The following MTUS2 variants were observed in gnomAD, a reference collection of about 807,000 sequenced individuals.
MTUS2 encodes microtubule-associated tumor suppressor candidate 2.
Under a neutral mutation model 114.1 loss-of-function variants are expected in MTUS2, and 40 were observed. The ratio of observed to expected loss-of-function variants is 0.35; its 90% CI spans 0.27 to 0.46. The LOEUF (loss-of-function observed/expected upper bound fraction) is 0.46, where lower values mean the gene tolerates loss of function less well. Among genes scored for constraint, MTUS2 ranks in the 20% least tolerant of loss-of-function variants. The pLI is 1.00. For missense variants in MTUS2, 1,679 were observed against 1,705.4 expected, an observed-to-expected ratio of 0.98 and a Z score of 0.27; for synonymous variants, 688 against 672.0, an observed-to-expected ratio of 1.02 and a Z score of -0.37.
chr13:29,245,816 C>A (rs1481368649), intron 5 of MTUS2, among the ~76,000 whole-genome samples: 1 of 151,596 alleles, frequency 6.6e-6, no homozygotes, highest in Admixed American at 6.6e-5. Context: ...CCTGTCTCAG[C>A]CTCCTAAGTA....
In MTUS2 at chr13:29,025,435, C is replaced by A; in HGVS notation, c.737C>A (p.Pro246Gln). The stretch of plus-strand genomic sequence containing the variant: ...GGAAAGAGTGTGCGTCATCCTAAAC[C>A]ATCTACCTCAGAAAGCAAGCAGAGC... ...SEGKSVRHPKPSTSESKQSTP... is the reference protein window; with the variant it reads ...SEGKSVRHPKQSTSESKQSTP... Residue 246 changes from proline (P) to glutamine (Q), a missense_variant, in exon 3 of 16, where the codon CCA becomes CAA. Coordinates refer to ENST00000612955, the MANE Select transcript of MTUS2 (RefSeq NM_001033602.4). 1.2e-6 allele frequency: 2 copies of A among 1,612,080 alleles called. No individual in the cohort carries two copies. Among genetic ancestry groups the A allele is most frequent in the Non-Finnish European group, 1.7e-6 (2 of 1,179,220 alleles).
At chr13:29,375,769 T>G (rs1303976365) in intron 8 of MTUS2, among the ~76,000 whole-genome samples, 1 of 150,650 alleles carries the variant, frequency 6.6e-6, no homozygotes, top group Admixed American at 6.7e-5. Flanking sequence ...ATGTTCTCAC[T>G]TATAAGTGGA....
chr13:29,384,988 C>A (rs1427455562), intron 8 of MTUS2, among the ~76,000 whole-genome samples: 3 of 152,152 alleles, frequency 2.0e-5, no homozygotes, highest in Non-Finnish European at 4.4e-5. Context: ...CAATTTTAAT[C>A]CTGATCCCAT....
At chr13:29,106,677 T>C (rs1304651918) in intron 5 of MTUS2, among the ~76,000 whole-genome samples, 2 of 152,108 alleles carry the variant, frequency 1.3e-5, no homozygotes, top group Non-Finnish European at 2.9e-5. Flanking sequence ...CTTTTTGCCT[T>C]CTTTTCTGTT....
chr13:29,175,364 G>A (rs1893728401), intron 5 of MTUS2, among the ~76,000 whole-genome samples: 1 of 152,164 alleles, frequency 6.6e-6, no homozygotes, highest in Admixed American at 6.5e-5. Flanking sequence ...TTTGCTGTCT[G>A]TCCCTTCATA....
chr13:29,176,942 T>C (rs1482480715), intron 5 of MTUS2, among the ~76,000 whole-genome samples: 1 of 151,116 alleles, frequency 6.6e-6, no homozygotes, highest in East Asian at 1.9e-4. Flanking sequence ...GGCTCTTTAC[T>C]GTCAATGATC....
chr13:28,989,417 C>T (rs1053101652), intron 2 of MTUS2, among the ~76,000 whole-genome samples: 2 of 152,168 alleles, frequency 1.3e-5, no homozygotes, highest in Admixed American at 1.3e-4. Flanking sequence ...AGCTAAGACA[C>T]TGAATACAAA....
At chr13:28,831,550 A>G (rs569695427) in intron 1 of MTUS2, among the ~76,000 whole-genome samples, 118 of 42,282 alleles carry the variant, frequency 2.8e-3, no homozygotes, top group African/African-American at 9.1e-3. Context: ...CAGAAGACAA[A>G]GAAGGTCATT....
intron 9 of MTUS2, among the ~76,000 whole-genome samples, chr13:29,450,559 C>A (rs1429519081): frequency 6.6e-6 from 1 of 152,066 alleles, no homozygotes; most frequent in African/African-American, 2.4e-5. Context: ...AAATAACGAA[C>A]CTTGGGATCA....
At chr13:29,046,776 C>T (rs910003905) in intron 4 of MTUS2, among the ~76,000 whole-genome samples, 53 of 152,202 alleles carry the variant, frequency 3.5e-4, no homozygotes, top group African/African-American at 9.2e-4. Context: ...TGCCTAGGCA[C>T]GCCGCAGTAC....
Position 29,501,853 on chromosome 13 carries a change from TCA to T in MTUS2, c.3896+669_3896+670del, listed in dbSNP as rs556377781. Among the ~76,000 whole-genome samples the T allele has an allele frequency of 2.4e-4, 36 of 152,224 alleles. No homozygotes were observed. The South Asian group carries it at 4.6e-3, about 19-fold the overall frequency. On this transcript the variant is annotated intron_variant, in intron 15 of 15. Coordinates refer to ENST00000612955, the MANE Select transcript of MTUS2 (RefSeq NM_001033602.4). ...ATGCACTCACACAGGCACTGCTCAC[TCA>T]CACACACACTTGCATATTCCCACTC...
At chr13:29,204,562 TTCCCA>T (rs1895101780) in intron 5 of MTUS2, among the ~76,000 whole-genome samples, 1 of 152,156 alleles carries the variant, frequency 6.6e-6, no homozygotes, top group African/African-American at 2.4e-5. Flanking sequence ...GACCCAGCAC[TTCCCA>T]TTGAGATAGA....
At chr13:29,120,724 G>T (rs1459328246) in intron 5 of MTUS2, among the ~76,000 whole-genome samples, 1 of 152,204 alleles carries the variant, frequency 6.6e-6, no homozygotes, top group Non-Finnish European at 1.5e-5. Context: ...CTCCACTAAA[G>T]GATGGGCTGA....
At chr13:28,964,449 C>A (rs1053312220) in intron 2 of MTUS2, among the ~76,000 whole-genome samples, 16 of 152,076 alleles carry the variant, frequency 1.1e-4, no homozygotes, top group African/African-American at 3.9e-4. Flanking sequence ...AATTCCGACC[C>A]ATTAACACCA....
chr13:29,344,823 A>G lies in MTUS2; in HGVS notation c.2906-14439A>G, dbSNP rs573343861. Among the ~76,000 whole-genome samples, 24 of 152,178 alleles carry G rather than the reference A, an allele frequency of 1.6e-4. No individual in the cohort carries two copies. In the South Asian group the frequency reaches 4.4e-3, roughly 28 times the overall value. On this transcript the variant is annotated intron_variant, in intron 7 of 15. Coordinates refer to ENST00000612955, the MANE Select transcript of MTUS2 (RefSeq NM_001033602.4). ...TTGAGAATTTGTTTCAAGATTTATA[A>G]CTCCCTTTAGCAATCTTGTAGTTCT...
chr13:28,844,478 G>T (rs534620811), intron 2 of MTUS2, among the ~76,000 whole-genome samples: 3 of 151,864 alleles, frequency 2.0e-5, no homozygotes, highest in Admixed American at 6.6e-5. Flanking sequence ...ATTTCTCTTA[G>T]ATGCCAGGAT....
intron 1 of MTUS2, among the ~76,000 whole-genome samples, chr13:28,830,886 C>CTT (rs1874624413): frequency 6.6e-6 from 1 of 151,796 alleles, no homozygotes; most frequent in Admixed American, 6.6e-5. Flanking sequence ...TGCTGAAAGA[C>CTT]AAAAAAACTG....
intron 2 of MTUS2, among the ~76,000 whole-genome samples, chr13:28,880,342 G>A (rs1032900639): frequency 6.6e-6 from 1 of 152,150 alleles, no homozygotes; most frequent in East Asian, 1.9e-4. Flanking sequence ...AAGCAAGGTC[G>A]ATTCCTGAAT....
chr13:29,423,718 T>C (rs911620535), intron 8 of MTUS2, among the ~76,000 whole-genome samples: 8 of 152,222 alleles, frequency 5.3e-5, no homozygotes, highest in Admixed American at 3.9e-4. Flanking sequence ...AATTGGCATG[T>C]AAAAGATGAT....
Sources: allele counts gnomAD v4.1 joint callset (sites outside exome capture counted in the v4.1 genomes callset), GRCh38; gene constraint gnomAD v4.1.1; transcripts MANE v1.5; gene names NCBI Gene and HGNC (gene_info 2026-07-23, HGNC 2026-07-21).